The following ZNF529 variants were observed in gnomAD, a reference collection of about 807,000 sequenced individuals.
ZNF529 encodes the protein zinc finger protein 529.
ZNF529 carries 11 observed loss-of-function variants against 10.1 expected under a neutral mutation model. That is an observed-to-expected ratio of 1.09 (90% CI 0.69 to 1.81). The LOEUF (loss-of-function observed/expected upper bound fraction) is 1.81, where lower values mean the gene tolerates loss of function less well. Among genes scored for constraint, ZNF529 ranks in the 40% most tolerant of loss-of-function variants. The pLI, the probability that ZNF529 is intolerant of heterozygous loss-of-function variation, is 0.00. For synonymous variants in ZNF529, 204 were observed against 215.7 expected (o/e 0.95, Z 0.47); for missense variants, 624 against 666.8 (o/e 0.94, Z 0.71).
chr19:36,547,259 T>A lies in ZNF529; in HGVS notation c.1299A>T (p.Val433=), dbSNP rs1461993329. The A allele has an allele frequency of 6.2e-7, 1 of 1,613,786 alleles. No individual in the cohort carries two copies. The highest frequency in any genetic ancestry group is 2.2e-5 in the East Asian group (1 of 44,868). ...KCKECEKAFG[V]GSELTRHERI... ...TTTCATGTCGAGTAAGTTCACTACC[T>A]ACTCCAAATGCTTTCTCACATTCTT... The change falls in exon 5 of 5, where the codon GTA becomes GTT. Residue 433 remains valine (V), a synonymous_variant. Transcript: ENST00000591340.
chr19:36,579,455 T>TC (rs2036415500), intron 2 of ZNF529, among the ~76,000 whole-genome samples: 1 of 152,242 alleles, frequency 6.6e-6, no homozygotes, highest in Non-Finnish European at 1.5e-5. Context: ...GGTGATTGCA[T>TC]CATGCAAGCA....
Position 36,555,699 on chromosome 19 carries a change from C to T in ZNF529, c.108+405G>A, listed in dbSNP as rs996864918. 2.6e-5 allele frequency among the ~76,000 whole-genome samples: 4 copies of T among 152,178 alleles called. No homozygotes were observed. In the East Asian group the frequency reaches 7.7e-4, roughly 29 times the overall value. On this transcript the variant is annotated intron_variant, in intron 3 of 4. Coordinates refer to ENST00000591340, the MANE Select transcript of ZNF529 (RefSeq NM_020951.5). ...TTCCAACGTTTAGGTTAGAGAAGGT[C>T]TTCTCCAATGCTGCGTCTACAATCA...
intron 2 of ZNF529, among the ~76,000 whole-genome samples, chr19:36,583,094 C>T (rs1360958685): frequency 6.6e-6 from 1 of 152,072 alleles, no homozygotes; most frequent in Non-Finnish European, 1.5e-5. Context: ...CAGGGTCTTG[C>T]TTTGTCAGAC....
intron 1 of ZNF529, among the ~76,000 whole-genome samples, chr19:36,595,329 C>T (rs1035071915): frequency 6.6e-6 from 1 of 152,174 alleles, no homozygotes; most frequent in Non-Finnish European, 1.5e-5. Flanking sequence ...GCTTTATAAA[C>T]CTTGTCATTT....
chr19:36,570,533 C>T (rs1410047481), intron 2 of ZNF529, among the ~76,000 whole-genome samples: 1 of 152,160 alleles, frequency 6.6e-6, no homozygotes, highest in African/African-American at 2.4e-5. Flanking sequence ...GCACTGGAAG[C>T]TTGCACCTGG....
chr19:36,550,510 C>G (rs1019925036), intron 4 of ZNF529, among the ~76,000 whole-genome samples: 2 of 152,036 alleles, frequency 1.3e-5, no homozygotes, highest in African/African-American at 4.8e-5. Context: ...TGCGCCACCA[C>G]ACTCCAGGCT....
Position 36,558,868 on chromosome 19 carries a change from A to G in ZNF529, c.15-2671T>C, listed in dbSNP as rs947714400. ...GACATTCTACAGCATGGGAGAAAAT[A>G]TGTGCAAATTATATATCTGACAAGG... On this transcript the variant is annotated intron_variant, in intron 2 of 4. Coordinates refer to ENST00000591340, the MANE Select transcript of ZNF529 (RefSeq NM_020951.5). Among the ~76,000 whole-genome samples, 13 of 152,180 alleles carry G rather than the reference A, an allele frequency of 8.5e-5. No individual in the cohort carries two copies. The East Asian group carries it at 2.5e-3, about 29-fold the overall frequency.
At chr19:36,578,853 C>T (rs1432980399) in intron 2 of ZNF529, among the ~76,000 whole-genome samples, 1 of 151,870 alleles carries the variant, frequency 6.6e-6, no homozygotes, top group Non-Finnish European at 1.5e-5. Flanking sequence ...CAGCCTTGGC[C>T]TCCCAAAGTG....
chr19:36,575,898 G>A (rs2036304787), upstream of ZNF529, among the ~76,000 whole-genome samples: 1 of 152,016 alleles, frequency 6.6e-6, no homozygotes, highest in Non-Finnish European at 1.5e-5. Flanking sequence ...ACCCAGGTGG[G>A]AGTGCAATGG....
At chr19:36,550,520 T>C (rs1324166339) in intron 4 of ZNF529, among the ~76,000 whole-genome samples, 1 of 152,048 alleles carries the variant, frequency 6.6e-6, no homozygotes, top group Non-Finnish European at 1.5e-5. Flanking sequence ...CACTCCAGGC[T>C]GGGCAACAGA....
In ZNF529 at chr19:36,548,102, G is replaced by T; in HGVS notation, c.456C>A (p.Tyr152Ter). ...MKIISENVPSYKTHESLTLPR... is the reference protein window; with the variant it reads ...MKIISENVPS Reference sequence around the variant, plus strand: ...GTAAAGTAAGAGATTCATGAGTTTTGTAACTGGGCACATTTTCAGAGATGA... The same window carrying T: ...GTAAAGTAAGAGATTCATGAGTTTTTTAACTGGGCACATTTTCAGAGATGA... Residue 152 changes from tyrosine (Y) to a stop codon, truncating the protein, a stop_gained, in exon 5 of 5, where the codon TAC becomes TAA. Transcript: ENST00000591340. LOFTEE classifies it low-confidence loss of function (END_TRUNC). 2 of 1,613,818 alleles carry T rather than the reference G, an allele frequency of 1.2e-6. No homozygotes were observed. The highest frequency in any genetic ancestry group is 1.7e-6 in the Non-Finnish European group (2 of 1,179,846).
At chr19:36,570,213 T>C (rs3108595) in intron 2 of ZNF529, among the ~76,000 whole-genome samples, 51,690 of 151,282 alleles carry the variant, frequency 0.34, 9,409 homozygotes, top group African/African-American at 0.48. Context: ...ATACAAAAAT[T>C]AGCCGGGTGT....
At chr19:36,577,494 CTTT>C (rs775727195), upstream of ZNF529, 9 of 141,198 alleles carry the variant, frequency 6.4e-5, no homozygotes, top group South Asian at 4.4e-4. Flanking sequence ...ATTGTACTCT[CTTT>C]TTTTTTTTTT....
intron 1 of ZNF529, among the ~76,000 whole-genome samples, chr19:36,590,604 TA>T (rs1223456280): frequency 1.3e-5 from 2 of 151,924 alleles, no homozygotes; most frequent in Non-Finnish European, 2.9e-5. Flanking sequence ...TTAGCCAAAC[TA>T]AAAGTGAATT....
chr19:36,572,270 C>A lies in ZNF529; in HGVS notation c.14+63G>T, dbSNP rs2036147198. The A allele has an allele frequency of 2.0e-6, 3 of 1,537,614 alleles. No individual in the cohort carries two copies. In the African/African-American group the frequency reaches 4.2e-5, roughly 21 times the overall value. Reference sequence around the variant, plus strand: ...GGACAAGGGGACCCATCTCTACGGTCCTGTTGTTAATTGGGAAGAGAAAAC... The same window carrying A: ...GGACAAGGGGACCCATCTCTACGGTACTGTTGTTAATTGGGAAGAGAAAAC... On this transcript the variant is annotated intron_variant, in intron 2 of 4. Coordinates refer to ENST00000591340, the MANE Select transcript of ZNF529 (RefSeq NM_020951.5).
intron 1 of ZNF529, among the ~76,000 whole-genome samples, chr19:36,591,891 A>G (rs1412079002): frequency 2.6e-5 from 4 of 152,098 alleles, no homozygotes; most frequent in Non-Finnish European, 5.9e-5. Flanking sequence ...TTTTGAGGCC[A>G]GTACTACCCT....
At chr19:36,601,624 A>G (rs2036925319) in intron 1 of ZNF529, among the ~76,000 whole-genome samples, 1 of 152,246 alleles carries the variant, frequency 6.6e-6, no homozygotes, top group South Asian at 2.1e-4. Context: ...ATTTATTATT[A>G]TCAGCCACCG....
At chr19:36,561,744 GCACA>G (rs2035705605) in intron 2 of ZNF529, among the ~76,000 whole-genome samples, 1 of 152,234 alleles carries the variant, frequency 6.6e-6, no homozygotes, top group African/African-American at 2.4e-5. Context: ...TATGAACTGT[GCACA>G]CCAAAGCCAT....
chr19:36,593,266 C>T (rs2036767653), intron 1 of ZNF529, among the ~76,000 whole-genome samples: 1 of 152,174 alleles, frequency 6.6e-6, no homozygotes, highest in South Asian at 2.1e-4. Flanking sequence ...CCCTCGACCT[C>T]CCCAGCTCAG....
Sources: allele counts gnomAD v4.1 joint callset (sites outside exome capture counted in the v4.1 genomes callset), GRCh38; gene constraint gnomAD v4.1.1; transcripts MANE v1.5; gene names NCBI Gene and HGNC (gene_info 2026-07-23, HGNC 2026-07-21).